TENM3: variants seen among roughly 807,000 people sequenced by gnomAD.
The protein encoded by TENM3 is teneurin transmembrane protein 3, also known as teneurin-3.
Under a neutral mutation model 255.1 loss-of-function variants are expected in TENM3, and 63 were observed. The observed-to-expected ratio is 0.25, with a 90% CI of 0.20 to 0.30. TENM3 has a LOEUF of 0.30. Ranked by LOEUF, TENM3 falls within the 10% of genes least tolerant of loss-of-function variation. The pLI, the probability that TENM3 is intolerant of heterozygous loss-of-function variation, is 1.00. For missense variants in TENM3, 2,929 were observed against 3,461.1 expected, an observed-to-expected ratio of 0.85 and a Z score of 3.86; for synonymous variants, 1,306 against 1,322.3, an observed-to-expected ratio of 0.99 and a Z score of 0.27.
chr4:181,616,640 G>A, the TENM3 span, among the ~76,000 whole-genome samples: 2 of 152,046 alleles, frequency 1.3e-5, no homozygotes, highest in African/African-American at 4.8e-5. Flanking sequence ...GAGAACCAGG[G>A]CATCCAGTGA....
chr4:182,557,315 CGT>C (rs1400201718), intron 3 of TENM3, among the ~76,000 whole-genome samples: 3 of 152,136 alleles, frequency 2.0e-5, no homozygotes, highest in Non-Finnish European at 4.4e-5. Context: ...TCAGATCACT[CGT>C]GTGTGTGAAC....
chr4:182,454,706 C>G (rs1274264334), intron 3 of TENM3, among the ~76,000 whole-genome samples: 1 of 152,084 alleles, frequency 6.6e-6, no homozygotes, highest in Non-Finnish European at 1.5e-5. Context: ...GTTTATATTT[C>G]TTAACTTTAT....
At chr4:182,622,734 T>C (rs1489942209) in intron 4 of TENM3, among the ~76,000 whole-genome samples, 1 of 152,222 alleles carries the variant, frequency 6.6e-6, no homozygotes. Flanking sequence ...ACTTAACTTT[T>C]TGAGGCTCAC....
chr4:181,619,038 G>T, the TENM3 span, among the ~76,000 whole-genome samples: 37 of 152,268 alleles, frequency 2.4e-4, no homozygotes, highest in African/African-American at 8.7e-4. Context: ...CTGACTTCCG[G>T]TTGAGCCTAA....
chr4:181,767,018 C>T, the TENM3 span, among the ~76,000 whole-genome samples: 56 of 149,460 alleles, frequency 3.7e-4, no homozygotes, highest in African/African-American at 1.3e-3. Flanking sequence ...TTTGGGAGGC[C>T]GAGGCGGGCG....
At chr4:181,798,813 G>T in the TENM3 span, among the ~76,000 whole-genome samples, 1 of 152,160 alleles carries the variant, frequency 6.6e-6, no homozygotes, top group Non-Finnish European at 1.5e-5. Flanking sequence ...TGACTTTTCT[G>T]CTGGGCTAAT....
the TENM3 span, among the ~76,000 whole-genome samples, chr4:181,906,959 A>C: frequency 6.6e-6 from 1 of 152,124 alleles, no homozygotes; most frequent in South Asian, 2.1e-4. Context: ...GCTCACAGCA[A>C]CCTGCGCCTC....
At chr4:181,992,584 A>G in the TENM3 span, among the ~76,000 whole-genome samples, 1 of 152,114 alleles carries the variant, frequency 6.6e-6, no homozygotes, top group African/African-American at 2.4e-5. Flanking sequence ...TACATTTTAC[A>G]TGTTATAAAT....
the TENM3 span, among the ~76,000 whole-genome samples, chr4:182,088,939 A>C: frequency 6.6e-6 from 1 of 152,132 alleles, no homozygotes; most frequent in African/African-American, 2.4e-5. Flanking sequence ...TTAACCCACA[A>C]GGTCATATTA....
At chr4:182,001,258 C>G in the TENM3 span, among the ~76,000 whole-genome samples, 1 of 151,868 alleles carries the variant, frequency 6.6e-6, no homozygotes, top group Admixed American at 6.6e-5. Flanking sequence ...AAAAACTCTA[C>G]AAAATTGGCT....
chr4:181,524,538 C>T, the TENM3 span, among the ~76,000 whole-genome samples: 1,400 of 152,250 alleles, frequency 9.2e-3, 26 homozygotes, highest in African/African-American at 0.032. Flanking sequence ...TTTACTTTTA[C>T]AAAATCCAGA....
In TENM3 at chr4:182,673,165, G is replaced by A. The variant is rs762305856; in HGVS notation, c.1272G>A (p.Lys424=). ...QFLKFNISLQ[K]DALIGVYGRK... The stretch of plus-strand genomic sequence containing the variant: ...TTAAATTCAATATCTCTCTTCAGAA[G>A]GATGCATTGATTGGAGTATATGGCC... Residue 424 remains lysine, a synonymous_variant, in exon 7 of 28, where the codon AAG becomes AAA. Coordinates refer to ENST00000511685, the MANE Select transcript of TENM3 (RefSeq NM_001080477.4). 4 of 1,613,814 alleles carry A rather than the reference G, an allele frequency of 2.5e-6. No individual in the cohort carries two copies. In the East Asian group the frequency reaches 8.9e-5, roughly 36 times the overall value.
At chr4:182,199,932 G>C (rs1303244987) in intron 1 of TENM3, among the ~76,000 whole-genome samples, 1 of 151,924 alleles carries the variant, frequency 6.6e-6, no homozygotes, top group Non-Finnish European at 1.5e-5. Context: ...TCGCCATGTT[G>C]CCCAGGCTGG....
chr4:181,626,563 G>A, the TENM3 span, among the ~76,000 whole-genome samples: 1 of 152,108 alleles, frequency 6.6e-6, no homozygotes, highest in Non-Finnish European at 1.5e-5. Context: ...AGCACAGCAA[G>A]GGGGCGGGGA....
the TENM3 span, among the ~76,000 whole-genome samples, chr4:181,504,465 A>G: frequency 6.6e-6 from 1 of 152,230 alleles, no homozygotes; most frequent in African/African-American, 2.4e-5. Context: ...AAAGCAGAAG[A>G]AAATTCCTCC....
the TENM3 span, among the ~76,000 whole-genome samples, chr4:181,685,307 A>G: frequency 6.6e-6 from 1 of 152,182 alleles, no homozygotes; most frequent in Non-Finnish European, 1.5e-5. Flanking sequence ...AAAAACTTTC[A>G]AGTGAAACTG....
At chr4:182,192,747 C>A (rs2149792809) in intron 1 of TENM3, among the ~76,000 whole-genome samples, 1 of 152,222 alleles carries the variant, frequency 6.6e-6, no homozygotes, top group African/African-American at 2.4e-5. Flanking sequence ...GGGATGCAAC[C>A]AATCTAAATT....
intron 4 of TENM3, among the ~76,000 whole-genome samples, chr4:182,612,247 A>T (rs915311492): frequency 6.6e-6 from 1 of 151,010 alleles, no homozygotes; most frequent in African/African-American, 2.4e-5. Flanking sequence ...GCTCCAGCCT[A>T]CGCAACAGAG....
Position 182,680,314 on chromosome 4 carries a change from G to A in TENM3, c.1604G>A (p.Cys535Tyr). The change falls in exon 9 of 28, where the codon TGT (cysteine) becomes TAT (tyrosine). Residue 535 changes from cysteine (C) to tyrosine (Y), a missense_variant. Around this residue, in one of 6 missense-constraint regions of TENM3, gnomAD observed 1,608 missense variants for 1,884.4 expected, o/e 0.85. Transcript: ENST00000511685. ...NGECVSGTCHCFPGFLGPDCS... is the reference protein window; with the variant it reads ...NGECVSGTCHYFPGFLGPDCS... Reference sequence around the variant, plus strand: ...GAATGCGTTTCTGGAACTTGCCATTGTTTTCCAGGATTTCTGGGTCCGGAT... The same window carrying A: ...GAATGCGTTTCTGGAACTTGCCATTATTTTCCAGGATTTCTGGGTCCGGAT... The A allele has an allele frequency of 6.2e-7, 1 of 1,612,928 alleles. No homozygotes were observed. The highest frequency in any genetic ancestry group is 8.5e-7 in the Non-Finnish European group (1 of 1,179,300).
Sources: allele counts gnomAD v4.1 joint callset (sites outside exome capture counted in the v4.1 genomes callset), GRCh38; gene constraint gnomAD v4.1.1; regional missense constraint gnomAD v4.1.1; transcripts MANE v1.5; gene names NCBI Gene and HGNC (gene_info 2026-07-23, HGNC 2026-07-21).